Variants in CKAP2 observed in about 807,000 individuals in gnomAD.
CKAP2 encodes the protein cytoskeleton-associated protein 2.
In CKAP2, 46 loss-of-function variants were observed where a neutral mutation model predicts 58.4. That is an observed-to-expected ratio of 0.79 (90% confidence interval 0.62 to 1.01). CKAP2 has a LOEUF of 1.01. CKAP2 is among the 50% of genes least tolerant of loss of function. CKAP2 has a pLI of 0.00. For missense variants in CKAP2, 809 were observed against 796.4 expected, an observed-to-expected ratio of 1.02 and a Z score of -0.19; for synonymous variants, 293 against 280.9, an observed-to-expected ratio of 1.04 and a Z score of -0.43.
chr13:52,475,242 C>T lies in CKAP2; in HGVS notation c.*101C>T, dbSNP rs1039540299. The T allele has an allele frequency of 2.9e-5, 40 of 1,390,998 alleles. No individual in the cohort carries two copies. Among genetic ancestry groups the T allele is most frequent in the Non-Finnish European group, 3.8e-5 (39 of 1,027,346 alleles). The allele number at this position is 1,390,998 out of a possible 1,614,324, so 86.2% of individuals were successfully genotyped here. The stretch of plus-strand genomic sequence containing the variant: ...TCTTAGGTCTGGAGTTGGCCATGTA[C>T]CTATGTATCCTAAGCATTCACGGCA... On this transcript the variant is annotated 3_prime_UTR_variant, in exon 9 of 9. Transcript: ENST00000258607.
Position 52,461,542 on chromosome 13 carries a change from C to G in CKAP2, c.716C>G (p.Thr239Ser). Residue 239 changes from threonine to serine, a missense_variant, in exon 4 of 9, where the codon ACT becomes AGT. Around this residue, in one of 3 missense-constraint regions of CKAP2, gnomAD observed 523 missense variants for 492.4 expected, o/e 1.06. Coordinates refer to ENST00000258607, the MANE Select transcript of CKAP2 (RefSeq NM_018204.5). The stretch of plus-strand genomic sequence containing the variant: ...AGATCCTCCAATATGACTGCCACTA[C>G]TAAATTTGTGAGCACTACATCTCAG... ...SNRSSNMTAT[T>S]KFVSTTSQNT... 1 of 1,614,172 alleles carries G rather than the reference C, an allele frequency of 6.2e-7. No individual in the cohort carries two copies. Among genetic ancestry groups the G allele is most frequent in the Non-Finnish European group, 8.5e-7 (1 of 1,180,038 alleles).
At chr13:52,471,156 C>A (rs1216009346) in intron 7 of CKAP2, among the ~76,000 whole-genome samples, 2 of 151,098 alleles carry the variant, frequency 1.3e-5, no homozygotes, top group African/African-American at 2.4e-5. Context: ...GACTCCGTGT[C>A]AAAAAGAAAA....
intron 1 of CKAP2, chr13:52,455,994 C>CCTCTTAGCGGAGCTAAGGG (rs1208306956): frequency 9.3e-7 from 1 of 1,074,978 alleles, no homozygotes; most frequent in African/African-American, 1.7e-5. Context: ...GGGTCCTCCG[C>CCTCTTAGCGGAGCTAAGGG]CTCTTAGGTC....
chr13:52,466,261 A>C (rs1242484299), intron 6 of CKAP2, among the ~76,000 whole-genome samples: 1 of 152,154 alleles, frequency 6.6e-6, no homozygotes, highest in Non-Finnish European at 1.5e-5. Context: ...TTATGGATAC[A>C]TGTTCTTCAA....
chr13:52,457,511 A>C (rs1229155336), intron 2 of CKAP2, among the ~76,000 whole-genome samples: 2 of 152,206 alleles, frequency 1.3e-5, no homozygotes, highest in African/African-American at 2.4e-5. Context: ...TAGATGAAGC[A>C]GAAAGGCAAA....
chr13:52,461,563 C>T lies in CKAP2; in HGVS notation c.737C>T (p.Ser246Phe). ...TATTKFVSTT[S>F]QNTQLVRPPI... Reference sequence around the variant, plus strand: ...ACTACTAAATTTGTGAGCACTACATCTCAGAACACACAACTTGTGCGACCT... The same window carrying T: ...ACTACTAAATTTGTGAGCACTACATTTCAGAACACACAACTTGTGCGACCT... Residue 246 changes from serine to phenylalanine, a missense_variant, in exon 4 of 9, where the codon TCT becomes TTT. Ser to Phe is a radical substitution (Grantham distance 155). Coordinates refer to ENST00000258607, the MANE Select transcript of CKAP2 (RefSeq NM_018204.5). 1 of 1,614,174 alleles carries T rather than the reference C, an allele frequency of 6.2e-7. No individual in the cohort carries two copies. Among genetic ancestry groups the T allele is most frequent in the Non-Finnish European group, 8.5e-7 (1 of 1,180,030 alleles).
chr13:52,469,622 C>T (rs1958732926), intron 7 of CKAP2, among the ~76,000 whole-genome samples: 1 of 147,110 alleles, frequency 6.8e-6, no homozygotes, highest in Non-Finnish European at 1.5e-5. Flanking sequence ...CGGAGTCTCG[C>T]TCTGTCGCCC....
At position 52,456,525 on chromosome 13, in the gene CKAP2, C is replaced by T; in HGVS notation, c.73C>T (p.Gln25Ter). Residue 25 changes from glutamine (Q) to a stop codon, truncating the protein, a stop_gained and splice_region_variant, in exon 2 of 9, where the codon CAA becomes TAA. Transcript: ENST00000258607. LOFTEE classifies it high-confidence loss of function. ...TAGCTCTTACCTTTGTTATCTAGAG[C>T]AAAGAAGACAAAAACTCAAGGAACA... ...SQRAQSAFKEQRRQKLKEHLL... is the reference protein window; with the variant it reads ...SQRAQSAFKE 1 of 1,610,122 alleles carries T rather than the reference C, an allele frequency of 6.2e-7. No homozygotes were observed. Among genetic ancestry groups the T allele is most frequent in the Non-Finnish European group, 8.5e-7 (1 of 1,177,772 alleles).
intron 7 of CKAP2, among the ~76,000 whole-genome samples, chr13:52,470,431 G>C (rs923539171): frequency 1.4e-4 from 21 of 151,972 alleles, no homozygotes; most frequent in African/African-American, 4.4e-4. Flanking sequence ...AAAGTCTCCT[G>C]ATACATGCTG....
chr13:52,459,731 C>T (rs1037221266), intron 2 of CKAP2, among the ~76,000 whole-genome samples: 8 of 152,006 alleles, frequency 5.3e-5, no homozygotes, highest in African/African-American at 1.2e-4. Flanking sequence ...TTTTTCCTAT[C>T]GTTATAGTAC....
At chr13:52,458,489 G>T (rs1469800582) in intron 2 of CKAP2, among the ~76,000 whole-genome samples, 1 of 152,214 alleles carries the variant, frequency 6.6e-6, no homozygotes, top group African/African-American at 2.4e-5. Context: ...AAGGTCAGGG[G>T]TTTATAATAC....
intron 8 of CKAP2, among the ~76,000 whole-genome samples, chr13:52,474,642 C>G (rs1958803443): frequency 6.6e-6 from 1 of 152,170 alleles, no homozygotes; most frequent in Non-Finnish European, 1.5e-5. Flanking sequence ...TTATTAATAA[C>G]AGTAGGTTTT....
chr13:52,466,085 G>T (rs1958673895), intron 6 of CKAP2, among the ~76,000 whole-genome samples: 1 of 151,404 alleles, frequency 6.6e-6, no homozygotes, highest in African/African-American at 2.4e-5. Context: ...GTATATATTG[G>T]TCCTTTCTGC....
rs1423250446 is a variant in CKAP2, at chr13:52,465,937, A to ATATATACACACATG, written c.1476+482_1476+483insCATGTATATACACA. 9.3e-5 allele frequency: 28 copies of ATATATACACACATG among 300,848 alleles called. No individual in the cohort carries two copies. The East Asian group carries it at 2.0e-3, about 21-fold the overall frequency. 18.6% of individuals were successfully genotyped at this position (300,848 alleles called of 1,614,324 possible). A position where few individuals can be genotyped will look rare whatever the true frequency, so the allele number is the denominator to read the frequency against. ...TATACACACATATATATACACACAT[A>ATATATACACACATG]TATATACACATATATATGCACACAT... On this transcript the variant is annotated intron_variant, in intron 6 of 8. Transcript: ENST00000258607.
At chr13:52,457,138 G>A (rs957328339) in intron 2 of CKAP2, among the ~76,000 whole-genome samples, 16 of 151,998 alleles carry the variant, frequency 1.1e-4, no homozygotes, top group Admixed American at 9.2e-4. Context: ...CTTGAGATCC[G>A]CCCACCTCAG....
chr13:52,468,249 G>T (rs186731523), intron 6 of CKAP2, 29 bp from the exon 7 acceptor site: 2 of 1,371,106 alleles, frequency 1.5e-6, no homozygotes, highest in African/African-American at 2.9e-5. Context: ...AACTTACATG[G>T]ATCTGCTTTC....
rs993322464 is a variant in CKAP2 at position 52,461,767 on chromosome 13, C to T, written c.941C>T (p.Ser314Leu). Residue 314 changes from serine (S) to leucine (L), a missense_variant, in exon 4 of 9, where the codon TCA (serine) becomes TTA (leucine). This residue lies in a region of CKAP2 where 523 missense variants were observed against 492.4 expected (regional missense o/e 1.06). Coordinates refer to ENST00000258607, the MANE Select transcript of CKAP2 (RefSeq NM_018204.5). ...GGTATAATAAGAAATAAGACTCTAT[C>T]AAGATCCATAGCATCTGAAGTTATA... Reference protein sequence around the residue: ...SQGIIRNKTLSRSIASEVIAR... With the variant: ...SQGIIRNKTLLRSIASEVIAR... 1.2e-6 allele frequency: 2 copies of T among 1,613,972 alleles called. No individual in the cohort carries two copies. Among genetic ancestry groups the T allele is most frequent in the Admixed American group, 1.7e-5 (1 of 60,024 alleles).
At chr13:52,457,528 C>T (rs1462459966) in intron 2 of CKAP2, among the ~76,000 whole-genome samples, 2 of 152,088 alleles carry the variant, frequency 1.3e-5, no homozygotes, top group African/African-American at 4.8e-5. Flanking sequence ...CAAAAGGTCC[C>T]CTCACTCTCT....
chr13:52,456,129 T>C (rs1381203236), intron 1 of CKAP2: 2 of 1,023,486 alleles, frequency 2.0e-6, no homozygotes, highest in African/African-American at 1.7e-5. Context: ...TATTCCCTTA[T>C]TCTACACACG....
Sources: gnomAD v4.1 joint callset for allele counts (sites outside exome capture counted in the v4.1 genomes callset) on GRCh38, gnomAD v4.1.1 for gene constraint, gnomAD v4.1.1 regional missense constraint, MANE v1.5 for transcripts, NCBI Gene and HGNC (gene_info 2026-07-23, HGNC 2026-07-21) for gene names.